Variants in KCTD16 observed in about 807,000 individuals in gnomAD.
KCTD16 encodes the protein BTB/POZ domain-containing protein KCTD16.
In KCTD16, 13 loss-of-function variants were observed where a neutral mutation model predicts 33.2. The ratio of observed to expected loss-of-function variants is 0.39; its 90% CI spans 0.25 to 0.62. KCTD16 has a LOEUF of 0.62. KCTD16 is among the 20% of genes least tolerant of loss of function. The pLI, the probability that KCTD16 is intolerant of heterozygous loss-of-function variation, is 0.50. For missense variants in KCTD16, 441 were observed against 525.1 expected (o/e 0.84, Z 1.57); for synonymous variants, 197 against 195.3 (o/e 1.01, Z -0.07).
intron 3 of KCTD16, among the ~76,000 whole-genome samples, chr5:144,349,034 T>C (rs928208889): frequency 6.6e-6 from 1 of 152,202 alleles, no homozygotes; most frequent in Non-Finnish European, 1.5e-5. Flanking sequence ...GTGACTGCTC[T>C]TTCTTGTCCA....
chr5:144,304,559 A>G (rs1204518688), intron 3 of KCTD16, among the ~76,000 whole-genome samples: 3 of 152,024 alleles, frequency 2.0e-5, no homozygotes, highest in Non-Finnish European at 4.4e-5. Flanking sequence ...TTTTTCATTG[A>G]GGGTATAAAG....
At chr5:144,216,307 G>C (rs1340212157) in intron 3 of KCTD16, among the ~76,000 whole-genome samples, 1 of 152,162 alleles carries the variant, frequency 6.6e-6, no homozygotes, top group East Asian at 1.9e-4. Context: ...AAGGAAATAA[G>C]ATTGCTAATG....
At chr5:144,194,713 A>C (rs1295702871) in intron 2 of KCTD16, among the ~76,000 whole-genome samples, 2 of 152,198 alleles carry the variant, frequency 1.3e-5, no homozygotes, top group Non-Finnish European at 2.9e-5. Context: ...ACAGATGAGA[A>C]AACTGTGGCT....
At chr5:144,344,492 T>G (rs2126901788) in intron 3 of KCTD16, among the ~76,000 whole-genome samples, 1 of 151,562 alleles carries the variant, frequency 6.6e-6, no homozygotes, top group South Asian at 2.1e-4. Context: ...TACAAAGAAC[T>G]TCAACAAATT....
intron 3 of KCTD16, among the ~76,000 whole-genome samples, chr5:144,454,019 G>A (rs535177513): frequency 6.6e-6 from 1 of 152,212 alleles, no homozygotes; most frequent in South Asian, 2.1e-4. Flanking sequence ...AATAAAGGGT[G>A]ATTAACCTCT....
At chr5:144,372,735 T>C (rs1751997047) in intron 3 of KCTD16, among the ~76,000 whole-genome samples, 1 of 152,062 alleles carries the variant, frequency 6.6e-6, no homozygotes. Context: ...TTATAACAGT[T>C]GAATGTATGA....
At position 144,416,283 on chromosome 5, in the gene KCTD16, T is replaced by C. The variant is rs183233835; in HGVS notation, c.833-57377T>C. Among the ~76,000 whole-genome samples the C allele has an allele frequency of 2.8e-3, 424 of 152,332 alleles. 3 individuals are homozygous for C. The highest frequency in any genetic ancestry group is 9.8e-3 in the African/African-American group (408 of 41,576). On this transcript the variant is annotated intron_variant, in intron 3 of 3. Transcript: ENST00000512467. ...TGTTTACAAGAGAAAAATAGGTATA[T>C]GTGTGCTGCCTTCATTATTGAGTTC...
intron 3 of KCTD16, among the ~76,000 whole-genome samples, chr5:144,427,659 T>A (rs796611512): frequency 2.0e-5 from 3 of 152,206 alleles, no homozygotes; most frequent in African/African-American, 7.2e-5. Context: ...CCTGCTATCA[T>A]CCCCAGAGAT....
chr5:144,423,593 C>A (rs564072297), intron 3 of KCTD16, among the ~76,000 whole-genome samples: 88 of 152,212 alleles, frequency 5.8e-4, no homozygotes, highest in African/African-American at 2.0e-3. Context: ...AAGTATCTTA[C>A]AATGCACAGG....
intron 3 of KCTD16, among the ~76,000 whole-genome samples, chr5:144,420,454 G>A (rs939536469): frequency 4.6e-5 from 7 of 151,880 alleles, no homozygotes; most frequent in Admixed American, 4.6e-4. Context: ...TGGCTGATTG[G>A]GTCTGGGAGA....
intron 3 of KCTD16, among the ~76,000 whole-genome samples, chr5:144,465,080 C>T (rs1278807691): frequency 6.6e-6 from 1 of 151,906 alleles, no homozygotes; most frequent in East Asian, 1.9e-4. Context: ...CCTCCCTTTG[C>T]TGATTGCAAA....
At position 144,207,286 on chromosome 5, in the gene KCTD16, G is replaced by A. The variant is rs1753213966; in HGVS notation, c.572G>A (p.Arg191Gln). 4 of 1,614,178 alleles carry A rather than the reference G, an allele frequency of 2.5e-6. No homozygotes were observed. The highest frequency in any genetic ancestry group is 3.4e-6 in the Non-Finnish European group (4 of 1,180,042). The change falls in exon 3 of 4, where the codon CGG becomes CAG. Residue 191 changes from arginine to glutamine, a missense_variant. Coordinates refer to ENST00000512467, the MANE Select transcript of KCTD16 (RefSeq NM_020768.4). ...GATGCCAAGTTTCGGAGAGTTCCCC[G>A]GATTTTGGTTTGTGGAAGGATTTCC... ...QADAKFRRVP[R>Q]ILVCGRISLA...
chr5:144,241,864 T>C (rs10055878), intron 3 of KCTD16, among the ~76,000 whole-genome samples: 6,869 of 152,248 alleles, frequency 0.045, 447 homozygotes, highest in African/African-American at 0.15. Flanking sequence ...TTTCATGAAA[T>C]GTGAAAAGAA....
At chr5:144,193,733 AT>A (rs1351859822) in intron 2 of KCTD16, among the ~76,000 whole-genome samples, 1 of 152,196 alleles carries the variant, frequency 6.6e-6, no homozygotes, top group East Asian at 1.9e-4. Context: ...TCATGGCTCC[AT>A]AATTATTTCT....
rs115163727 is a variant in KCTD16, at chr5:144,227,465, G to A, written c.832+19919G>A. On this transcript the variant is annotated intron_variant, in intron 3 of 3. Transcript: ENST00000512467. ...CAGAGATAAAAGGGAGCCAGATTCT[G>A]TAGGGATTTATAGGTCTTTGTAAGG... 4.2e-3 allele frequency among the ~76,000 whole-genome samples: 639 copies of A among 152,304 alleles called. 6 individuals are homozygous for A. Among genetic ancestry groups the A allele is most frequent in the African/African-American group, 0.015 (612 of 41,564 alleles).
chr5:144,188,680 A>G (rs142502158), intron 2 of KCTD16, among the ~76,000 whole-genome samples: 362 of 152,360 alleles, frequency 2.4e-3, no homozygotes, highest in African/African-American at 8.4e-3. Flanking sequence ...GGTGATCCAA[A>G]TATACATGAA....
intron 3 of KCTD16, among the ~76,000 whole-genome samples, chr5:144,454,661 A>G (rs1371497140): frequency 6.6e-6 from 1 of 152,148 alleles, no homozygotes. Flanking sequence ...TGGATAGCTC[A>G]ACTTTGAGAA....
chr5:144,174,934 T>C (rs1004499513), intron 2 of KCTD16, among the ~76,000 whole-genome samples: 7 of 152,196 alleles, frequency 4.6e-5, no homozygotes, highest in African/African-American at 1.4e-4. Context: ...TATTGTGGCT[T>C]GGAATATGAA....
At chr5:144,431,012 C>G (rs1387660633) in intron 3 of KCTD16, among the ~76,000 whole-genome samples, 2 of 152,104 alleles carry the variant, frequency 1.3e-5, no homozygotes, top group African/African-American at 2.4e-5. Flanking sequence ...CATAGTCCTC[C>G]TGAAGACCAA....
Sources: gnomAD v4.1 joint callset for allele counts (sites outside exome capture counted in the v4.1 genomes callset) on GRCh38, gnomAD v4.1.1 for gene constraint, MANE v1.5 for transcripts, NCBI Gene and HGNC (gene_info 2026-07-23, HGNC 2026-07-21) for gene names.